Variants in ANKRD50 observed in about 807,000 individuals in gnomAD.
ANKRD50 encodes the protein ankyrin repeat domain-containing protein 50.
In ANKRD50, 40 loss-of-function variants were observed where a neutral mutation model predicts 112.0. That is an observed-to-expected ratio of 0.36 (90% CI 0.28 to 0.46). The LOEUF (loss-of-function observed/expected upper bound fraction) is 0.46, where lower values mean the gene tolerates loss of function less well. Among genes scored for constraint, ANKRD50 ranks in the 20% least tolerant of loss-of-function variants. The probability of loss-of-function intolerance (pLI) is 1.00; values close to 1 mark genes in which losing one functional copy is unlikely to be tolerated. For synonymous variants in ANKRD50, 613 were observed against 619.1 expected (o/e 0.99, Z 0.15); for missense variants, 1,487 against 1,701.7 (o/e 0.87, Z 2.22).
intron 4 of ANKRD50, among the ~76,000 whole-genome samples, chr4:124,668,218 A>G (rs921394021): frequency 6.6e-6 from 1 of 152,024 alleles, no homozygotes; most frequent in Non-Finnish European, 1.5e-5. Flanking sequence ...GGAGAAAAAA[A>G]AATTTATTTA....
Position 124,671,568 on chromosome 4 carries a change from T to A in ANKRD50, c.1709A>T (p.Asp570Val). The change falls in exon 4 of 5, where the codon GAT (aspartate) becomes GTT (valine). Residue 570 changes from aspartate to valine, a missense_variant. By Grantham distance (152) the Asp-to-Val change is radical. Transcript: ENST00000504087. The stretch of plus-strand genomic sequence containing the variant: ...TCCATGAGCATCTTCTATCTCTAAA[T>A]CTGCTCCCCTAGAGACAAGTAAATT... Reference protein sequence around the residue: ...VVNLLVSRGADLEIEDAHGHT... With the variant: ...VVNLLVSRGAVLEIEDAHGHT... 1 of 1,613,846 alleles carries A rather than the reference T, an allele frequency of 6.2e-7. No homozygotes were observed. The highest frequency in any genetic ancestry group is 2.2e-5 in the East Asian group (1 of 44,862).
chr4:124,686,810 A>C (rs2110517170), intron 2 of ANKRD50, among the ~76,000 whole-genome samples: 1 of 152,266 alleles, frequency 6.6e-6, no homozygotes, highest in South Asian at 2.1e-4. Context: ...CATGCCCTAA[A>C]TACAACATAT....
intron 2 of ANKRD50, among the ~76,000 whole-genome samples, chr4:124,682,250 A>C (rs908847325): frequency 2.8e-5 from 4 of 145,336 alleles, no homozygotes; most frequent in African/African-American, 1.0e-4. Flanking sequence ...CGGGAAGCAG[A>C]GCTTGCAGTG....
intron 2 of ANKRD50, among the ~76,000 whole-genome samples, chr4:124,708,526 T>G (rs1163646031): frequency 6.6e-6 from 1 of 152,022 alleles, no homozygotes; most frequent in Non-Finnish European, 1.5e-5. Flanking sequence ...TCCCTAACTC[T>G]CATTCTAGAA....
chr4:124,679,081 A>G (rs974639421), intron 2 of ANKRD50, among the ~76,000 whole-genome samples, 176 bp from the exon 3 acceptor site: 1 of 152,210 alleles, frequency 6.6e-6, no homozygotes, highest in African/African-American at 2.4e-5. Context: ...GGTCCCAAAT[A>G]GTTTGTATTT....
chr4:124,696,754 A>T (rs1725262643), intron 2 of ANKRD50, among the ~76,000 whole-genome samples: 2 of 152,222 alleles, frequency 1.3e-5, no homozygotes, highest in African/African-American at 4.8e-5. Context: ...TTATTGTTTT[A>T]TCAAAATGTT....
rs551271977 is a variant in ANKRD50, at chr4:124,669,028, A to C, written c.4249T>G (p.Ser1417Ala). The change falls in exon 4 of 5, where the codon TCT (serine) becomes GCT (alanine). Residue 1417 changes from serine (S) to alanine (A), a missense_variant. By Grantham distance (99) the Ser-to-Ala change is moderately conservative. Transcript: ENST00000504087. ...KQALKLQIEG[S>A]DPSFNYKKET... ...TTTTTATAGTTGAAGCTAGGGTCAG[A>C]ACCTTCAATCTGAAGCTTCAGAGCT... 6.2e-7 allele frequency: 1 copy of C among 1,612,040 alleles called. No homozygotes were observed. Among genetic ancestry groups the C allele is most frequent in the Admixed American group, 1.7e-5 (1 of 59,576 alleles).
chr4:124,693,012 G>T (rs1035587382), intron 2 of ANKRD50, among the ~76,000 whole-genome samples: 1 of 152,134 alleles, frequency 6.6e-6, no homozygotes, highest in Non-Finnish European at 1.5e-5. Flanking sequence ...TAAGCAGCTT[G>T]CTAAGTGAGA....
At position 124,666,636 on chromosome 4, in the gene ANKRD50, A is replaced by T. The variant is rs561491660; in HGVS notation, c.*882T>A. On this transcript the variant is annotated 3_prime_UTR_variant, in exon 5 of 5. Coordinates refer to ENST00000504087, the MANE Select transcript of ANKRD50 (RefSeq NM_020337.3). ...TCAGGGATCAAAAATCTACCCTTAG[A>T]TAGACAGGTGCATTTCTCTCTGCAC... The T allele has an allele frequency of 6.6e-6, 1 of 152,556 alleles. No individual in the cohort carries two copies. The highest frequency in any genetic ancestry group is 2.1e-4 in the South Asian group (1 of 4,828). 9.5% of individuals were successfully genotyped at this position (152,556 alleles called of 1,614,324 possible).
chr4:124,712,101 G>C (rs930289703), intron 1 of ANKRD50, among the ~76,000 whole-genome samples: 2 of 152,102 alleles, frequency 1.3e-5, no homozygotes, highest in Non-Finnish European at 2.9e-5. Context: ...GAGAGGCCAC[G>C]AGCGAAGGTG....
intron 2 of ANKRD50, among the ~76,000 whole-genome samples, chr4:124,693,321 G>A (rs934567791): frequency 2.6e-5 from 4 of 152,088 alleles, no homozygotes; most frequent in Non-Finnish European, 5.9e-5. Context: ...AAACAGTCCT[G>A]TTTGTTTGCT....
chr4:124,708,189 A>G (rs2110530189), intron 2 of ANKRD50, among the ~76,000 whole-genome samples: 1 of 152,316 alleles, frequency 6.6e-6, no homozygotes, highest in South Asian at 2.1e-4. Context: ...TTGCTTATGT[A>G]CAGTTTTAAT....
intron 2 of ANKRD50, among the ~76,000 whole-genome samples, chr4:124,684,326 A>G (rs1210810099): frequency 6.6e-6 from 1 of 152,176 alleles, no homozygotes. Context: ...CGTCAGAGTT[A>G]TAGGTATAAA....
intron 2 of ANKRD50, among the ~76,000 whole-genome samples, chr4:124,695,752 A>G (rs13144437): frequency 0.18 from 27,622 of 151,990 alleles, 2,600 homozygotes; most frequent in South Asian, 0.24. Context: ...AGCTGAAAAG[A>G]CTCTTCTGAG....
chr4:124,669,888 G>A lies in ANKRD50; in HGVS notation c.3389C>T (p.Ser1130Leu). 2 of 1,613,398 alleles carry A rather than the reference G, an allele frequency of 1.2e-6. No individual in the cohort carries two copies. Among genetic ancestry groups the A allele is most frequent in the Non-Finnish European group, 1.7e-6 (2 of 1,179,762 alleles). ...AGAGCTATTTGATTTAATTGTTAAT[G>A]ACTGCACTTTTGAAGACAATGACTG... ...PLQSLSSKVQ[S>L]LTIKSNSSGS... The change falls in exon 4 of 5, where the codon TCA becomes TTA. Residue 1130 changes from serine to leucine, a missense_variant. Physicochemically the swap from Ser to Leu is moderately radical, Grantham distance 145 (BLOSUM62 -2). Around this residue, in one of 2 missense-constraint regions of ANKRD50, gnomAD observed 441 missense variants for 432.2 expected, o/e 1.02. Transcript: ENST00000504087.
intron 2 of ANKRD50, among the ~76,000 whole-genome samples, chr4:124,690,282 CAT>C (rs1310630750): frequency 1.3e-5 from 2 of 152,150 alleles, no homozygotes; most frequent in African/African-American, 4.8e-5. Flanking sequence ...GAGAAATATC[CAT>C]ATGTCATCTC....
At chr4:124,708,759 A>AT (rs1725563178) in intron 2 of ANKRD50, among the ~76,000 whole-genome samples, 1 of 150,068 alleles carries the variant, frequency 6.7e-6, no homozygotes, top group Non-Finnish European at 1.5e-5. Context: ...CCTGCCATTT[A>AT]CTAGTCTGTA....
chr4:124,687,206 A>T (rs1201691115), intron 2 of ANKRD50, among the ~76,000 whole-genome samples: 1 of 152,218 alleles, frequency 6.6e-6, no homozygotes, highest in Non-Finnish European at 1.5e-5. Context: ...ATATAGGAAC[A>T]TGATTTTTCA....
chr4:124,693,497 C>T (rs1004459918), intron 2 of ANKRD50, among the ~76,000 whole-genome samples: 1 of 152,068 alleles, frequency 6.6e-6, no homozygotes, highest in South Asian at 2.1e-4. Flanking sequence ...TAGTTAATTA[C>T]CTGCGATGTA....
Sources: allele counts gnomAD v4.1 joint callset (sites outside exome capture counted in the v4.1 genomes callset), GRCh38; gene constraint gnomAD v4.1.1; regional missense constraint gnomAD v4.1.1; transcripts MANE v1.5; gene names NCBI Gene and HGNC (gene_info 2026-07-23, HGNC 2026-07-21).